Variants in CREB5 observed in about 807,000 individuals in gnomAD.
CREB5 encodes the protein cyclic AMP-responsive element-binding protein 5.
In CREB5, 19 loss-of-function variants were observed where a neutral mutation model predicts 57.1. The observed-to-expected ratio is 0.33, with a 90% CI of 0.23 to 0.49. The LOEUF is 0.49. Among genes scored for constraint, CREB5 ranks in the 20% least tolerant of loss-of-function variants. The pLI, the probability that CREB5 is intolerant of heterozygous loss-of-function variation, is 0.99. For synonymous variants in CREB5, 238 were observed against 238.3 expected, an observed-to-expected ratio of 1.00 and a Z score of 0.01; for missense variants, 579 against 671.6, an observed-to-expected ratio of 0.86 and a Z score of 1.52.
At chr7:28,592,699 G>A (rs983866705) in intron 5 of CREB5, among the ~76,000 whole-genome samples, 1 of 152,062 alleles carries the variant, frequency 6.6e-6, no homozygotes, top group Non-Finnish European at 1.5e-5. Flanking sequence ...CAAGTGCCGT[G>A]GCCTGTTCTT....
At position 28,678,253 on chromosome 7, in the gene CREB5, T is replaced by A. The variant is rs958471214; in HGVS notation, c.465-40500T>A. On this transcript the variant is annotated intron_variant, in intron 5 of 10. Coordinates refer to ENST00000357727, the MANE Select transcript of CREB5 (RefSeq NM_182898.4). ...GAATGCAAAAATTAGCTGGGTGTGG[T>A]GGTGTGCGCCTGTAGCCCCAGGCAC... is the stretch of plus-strand genomic sequence containing the variant. Among the ~76,000 whole-genome samples the A allele has an allele frequency of 3.3e-5, 5 of 152,028 alleles. 1 individual carries two copies. In the South Asian group the frequency reaches 1.0e-3, roughly 32 times the overall value.
chr7:28,511,538 G>A (rs187970027), intron 4 of CREB5, among the ~76,000 whole-genome samples: 4 of 152,258 alleles, frequency 2.6e-5, no homozygotes, highest in African/African-American at 4.8e-5. Flanking sequence ...AGGCTGGAGC[G>A]CAGTGGTGCA....
At chr7:28,392,617 C>A (rs928470843) in intron 1 of CREB5, among the ~76,000 whole-genome samples, 11 of 152,192 alleles carry the variant, frequency 7.2e-5, no homozygotes, top group Non-Finnish European at 1.6e-4. Context: ...TCACTCTTGA[C>A]CTTGACTGAT....
chr7:28,686,123 T>C, intron 5 of CREB5: 1 of 1,613,172 alleles, frequency 6.2e-7, no homozygotes, highest in Non-Finnish European at 8.5e-7. Context: ...TTGGCTCAAA[T>C]TCTACACACA....
At chr7:28,679,617 C>T (rs1436859327) in intron 5 of CREB5, among the ~76,000 whole-genome samples, 1 of 152,188 alleles carries the variant, frequency 6.6e-6, no homozygotes, top group Non-Finnish European at 1.5e-5. Flanking sequence ...TACTCCAACC[C>T]TCATCCCTTG....
intron 7 of CREB5, among the ~76,000 whole-genome samples, chr7:28,772,234 G>A (rs562312833): frequency 6.6e-6 from 1 of 152,132 alleles, no homozygotes; most frequent in Non-Finnish European, 1.5e-5. Flanking sequence ...GGACCTGTTG[G>A]CTCAGGTTTA....
At chr7:28,775,837 A>G (rs1188765729) in intron 7 of CREB5, among the ~76,000 whole-genome samples, 1 of 152,102 alleles carries the variant, frequency 6.6e-6, no homozygotes, top group Non-Finnish European at 1.5e-5. Context: ...AGTTGCCTAT[A>G]TACTTTTTAC....
At chr7:28,626,130 G>C (rs1465713171) in intron 5 of CREB5, among the ~76,000 whole-genome samples, 1 of 152,114 alleles carries the variant, frequency 6.6e-6, no homozygotes, top group Non-Finnish European at 1.5e-5. Context: ...CATTAAGGTA[G>C]TATAATTCAT....
chr7:28,630,385 T>C (rs114204681), intron 5 of CREB5, among the ~76,000 whole-genome samples: 3 of 152,302 alleles, frequency 2.0e-5, no homozygotes, highest in South Asian at 2.1e-4. Context: ...CTACTCCTAA[T>C]AGCAACTTCA....
At chr7:28,668,641 G>T (rs17157006) in intron 5 of CREB5, among the ~76,000 whole-genome samples, 31 of 152,244 alleles carry the variant, frequency 2.0e-4, no homozygotes, top group African/African-American at 6.3e-4. Flanking sequence ...AAAGGGTTAG[G>T]TTTTCTTCTA....
chr7:28,668,978 C>T (rs1431534665), intron 5 of CREB5, among the ~76,000 whole-genome samples: 2 of 152,156 alleles, frequency 1.3e-5, no homozygotes, highest in Admixed American at 1.3e-4. Flanking sequence ...TGGTATCCTT[C>T]CCAGTATGCA....
chr7:28,790,860 C>T (rs1209837859), intron 7 of CREB5, among the ~76,000 whole-genome samples: 1 of 152,196 alleles, frequency 6.6e-6, no homozygotes, highest in Non-Finnish European at 1.5e-5. Flanking sequence ...AATGGGAGAA[C>T]TACCCACTGC....
At chr7:28,304,048 G>T (rs575075357) in intron 1 of CREB5, among the ~76,000 whole-genome samples, 1 of 152,094 alleles carries the variant, frequency 6.6e-6, no homozygotes, top group African/African-American at 2.4e-5. Flanking sequence ...TGGCTCAAAT[G>T]TATAAATTAA....
chr7:28,354,990 G>A (rs879327397), intron 1 of CREB5, among the ~76,000 whole-genome samples: 1 of 152,188 alleles, frequency 6.6e-6, no homozygotes, highest in African/African-American at 2.4e-5. Context: ...AGCCACCCCC[G>A]CATGGCTTGT....
At chr7:28,658,031 G>C (rs897723566) in intron 5 of CREB5, among the ~76,000 whole-genome samples, 1 of 152,096 alleles carries the variant, frequency 6.6e-6, no homozygotes, top group African/African-American at 2.4e-5. Context: ...AGGCTACTCT[G>C]GTGTAAACAA....
intron 1 of CREB5, among the ~76,000 whole-genome samples, chr7:28,308,361 T>C (rs1228014282): frequency 2.0e-5 from 3 of 152,240 alleles, no homozygotes; most frequent in African/African-American, 7.2e-5. Flanking sequence ...TTTCGACTAA[T>C]ACTAGCAAAC....
intron 5 of CREB5, among the ~76,000 whole-genome samples, chr7:28,574,227 A>G (rs1219177188): frequency 6.6e-6 from 1 of 152,224 alleles, no homozygotes; most frequent in African/African-American, 2.4e-5. Flanking sequence ...ACAAGCATGT[A>G]TTAAATAGAG....
intron 6 of CREB5, among the ~76,000 whole-genome samples, chr7:28,719,538 C>G (rs966072139): frequency 6.6e-6 from 1 of 152,216 alleles, no homozygotes; most frequent in Non-Finnish European, 1.5e-5. Context: ...AGCCCACTCT[C>G]TTAACCACTA....
chr7:28,519,737 A>T (rs1793126896), intron 4 of CREB5, among the ~76,000 whole-genome samples: 2 of 152,336 alleles, frequency 1.3e-5, no homozygotes, highest in African/African-American at 4.8e-5. Context: ...GCACTTATAC[A>T]ATGTACTGGT....
Sources: allele counts gnomAD v4.1 joint callset (sites outside exome capture counted in the v4.1 genomes callset), GRCh38; gene constraint gnomAD v4.1.1; transcripts MANE v1.5; gene names NCBI Gene and HGNC (gene_info 2026-07-23, HGNC 2026-07-21).